Variants in VPS50 observed in about 807,000 individuals in gnomAD.
The protein encoded by VPS50 is syndetin.
A neutral mutation model predicts 139.7 loss-of-function variants in VPS50; 70 were observed. The observed-to-expected ratio is 0.50, with a 90% CI of 0.41 to 0.61. The LOEUF (loss-of-function observed/expected upper bound fraction) is 0.61. VPS50 is among the 20% of genes least tolerant of loss of function. The pLI, the probability that VPS50 is intolerant of heterozygous loss-of-function variation, is 0.00. For missense variants in VPS50, 921 were observed against 1,133.7 expected, an observed-to-expected ratio of 0.81 and a Z score of 2.69; for synonymous variants, 365 against 376.7, an observed-to-expected ratio of 0.97 and a Z score of 0.36.
intron 22 of VPS50, among the ~76,000 whole-genome samples, chr7:93,335,390 A>G (rs1798043695): frequency 6.6e-6 from 1 of 152,140 alleles, no homozygotes; most frequent in African/African-American, 2.4e-5. Flanking sequence ...AAATATAGTC[A>G]TATCACTTAC....
chr7:93,244,067 C>G (rs936495051), intron 2 of VPS50, among the ~76,000 whole-genome samples: 2 of 151,394 alleles, frequency 1.3e-5, no homozygotes, highest in African/African-American at 4.9e-5. Context: ...ATTGGTTTAC[C>G]TTTGATTTTT....
intron 27 of VPS50, 124 bp downstream of exon 27, chr7:93,356,204 C>A (rs1235830724): frequency 5.9e-6 from 3 of 506,746 alleles, no homozygotes; most frequent in Non-Finnish European, 1.0e-5. Flanking sequence ...TTTTTTAATA[C>A]AAACTACTTA....
intron 19 of VPS50, among the ~76,000 whole-genome samples, chr7:93,310,003 A>G (rs528855544): frequency 6.6e-6 from 1 of 152,096 alleles, no homozygotes; most frequent in South Asian, 2.1e-4. Context: ...TAATTGAAAA[A>G]ATTTGTTCTA....
At chr7:93,281,152 T>G (rs933840564) in intron 12 of VPS50, among the ~76,000 whole-genome samples, 6 of 152,178 alleles carry the variant, frequency 3.9e-5, no homozygotes, top group African/African-American at 2.4e-5. Flanking sequence ...AGCCATGTAC[T>G]TTTACAGGTG....
At chr7:93,334,795 ACCT>A (rs1224481697) in intron 22 of VPS50, among the ~76,000 whole-genome samples, 1 of 152,190 alleles carries the variant, frequency 6.6e-6, no homozygotes, top group African/African-American at 2.4e-5. Flanking sequence ...CACAGGGTTG[ACCT>A]CCTGTACTGT....
chr7:93,305,812 C>T lies in VPS50; in HGVS notation c.1453-16C>T. ...ATTGTTGCTAAAGGGTATCTGGCTC[C>T]TTTTTTAACATCTAGGAATTTAAAT... On this transcript the variant is annotated splice_polypyrimidine_tract_variant and intron_variant, in intron 17 of 27. Coordinates refer to ENST00000305866, the MANE Select transcript of VPS50 (RefSeq NM_017667.4). The T allele has an allele frequency of 1.9e-6, 3 of 1,607,864 alleles. No homozygotes were observed. Among genetic ancestry groups the T allele is most frequent in the Non-Finnish European group, 2.6e-6 (3 of 1,175,116 alleles).
At chr7:93,291,380 T>C (rs1216295295) in intron 12 of VPS50, among the ~76,000 whole-genome samples, 2 of 152,056 alleles carry the variant, frequency 1.3e-5, no homozygotes, top group Admixed American at 6.6e-5. Context: ...GATCATGTCT[T>C]TCAAAAAATG....
At chr7:93,236,239 G>A (rs1202908695) in intron 1 of VPS50, among the ~76,000 whole-genome samples, 1 of 152,200 alleles carries the variant, frequency 6.6e-6, no homozygotes, top group Non-Finnish European at 1.5e-5. Context: ...TGAGCAGCGT[G>A]GAGGTCCTTG....
rs1798783828 is a variant in VPS50 at position 93,359,090 on chromosome 7, A to AC, written c.*654_*655insC. The AC allele has an allele frequency of 6.6e-6, 1 of 152,110 alleles. No homozygotes were observed. Among genetic ancestry groups the AC allele is most frequent in the African/African-American group, 2.4e-5 (1 of 41,436 alleles). The allele number at this position is 152,110 out of a possible 1,614,324, so 9.4% of individuals were successfully genotyped here. ...TGTCATGAACTATAGTGCAGCTTTT[A>AC]GTGTGTTCTAATTTTAATTGTTTTA... On this transcript the variant is annotated 3_prime_UTR_variant, in exon 28 of 28. Coordinates refer to ENST00000305866, the MANE Select transcript of VPS50 (RefSeq NM_017667.4).
intron 16 of VPS50, among the ~76,000 whole-genome samples, chr7:93,300,899 A>G (rs1010910052): frequency 1.3e-5 from 2 of 152,172 alleles, no homozygotes; most frequent in Admixed American, 1.3e-4. Flanking sequence ...TCACACAGCA[A>G]TATGATGGGT....
chr7:93,347,720 G>A (rs548635024), intron 23 of VPS50, among the ~76,000 whole-genome samples: 101 of 147,340 alleles, frequency 6.9e-4, no homozygotes, highest in Admixed American at 2.9e-3. Context: ...GTAAACTATC[G>A]CAAGAACAAA....
intron 27 of VPS50, among the ~76,000 whole-genome samples, chr7:93,357,448 C>T (rs1195814095): frequency 6.6e-6 from 1 of 152,116 alleles, no homozygotes; most frequent in Non-Finnish European, 1.5e-5. Context: ...ACGATGGATC[C>T]TCACTGAATG....
intron 9 of VPS50, among the ~76,000 whole-genome samples, chr7:93,261,032 G>A (rs1795654170): frequency 6.6e-6 from 1 of 152,196 alleles, no homozygotes; most frequent in Admixed American, 6.5e-5. Flanking sequence ...ACTGTCATTA[G>A]TAGAAACTTG....
rs1293851175 is a variant in VPS50, at chr7:93,271,270, G to A, written c.702+8G>A. 1.3e-6 allele frequency: 2 copies of A among 1,553,258 alleles called. No homozygotes were observed. The highest frequency in any genetic ancestry group is 2.9e-5 in the African/African-American group (2 of 70,170). ...ACTTTGGAACAGATTGAGGTAAGAAGTATTATATCCTAACCTTAATGAGTT... is the reference window on the plus strand; with the variant it reads ...ACTTTGGAACAGATTGAGGTAAGAAATATTATATCCTAACCTTAATGAGTT... On this transcript the variant is annotated splice_region_variant and intron_variant, in intron 10 of 27. Transcript: ENST00000305866.
chr7:93,344,873 G>C (rs1248004946), intron 23 of VPS50, among the ~76,000 whole-genome samples: 2 of 151,890 alleles, frequency 1.3e-5, no homozygotes, highest in African/African-American at 4.8e-5. Context: ...ACAAGAGAAA[G>C]CAGGAAAGAT....
chr7:93,280,649 T>G (rs917957151), intron 12 of VPS50, among the ~76,000 whole-genome samples: 5 of 152,162 alleles, frequency 3.3e-5, no homozygotes, highest in Admixed American at 1.3e-4. Flanking sequence ...AGGATTTTTT[T>G]TTCCTTTTTA....
rs143992766 is a variant in VPS50, at chr7:93,327,220, C to T, written c.1977+3488C>T. Among the ~76,000 whole-genome samples, 814 of 152,194 alleles carry T rather than the reference C, an allele frequency of 5.3e-3. 7 individuals are homozygous for T. The highest frequency in any genetic ancestry group is 0.019 in the African/African-American group (781 of 41,512). On this transcript the variant is annotated intron_variant, in intron 21 of 27. Transcript: ENST00000305866. The stretch of plus-strand genomic sequence containing the variant: ...CCACTAGCCACACATGGCTGTTGAG[C>T]GCTTGAAATATGTATGACTAATGAC...
intron 18 of VPS50, among the ~76,000 whole-genome samples, chr7:93,308,145 T>G (rs768939330): frequency 2.6e-5 from 4 of 151,772 alleles, no homozygotes; most frequent in Non-Finnish European, 4.4e-5. Flanking sequence ...ATGATGATGA[T>G]GATGATGATG....
intron 9 of VPS50, among the ~76,000 whole-genome samples, chr7:93,263,910 AAAT>A (rs1424800526): frequency 2.0e-5 from 3 of 152,202 alleles, no homozygotes; most frequent in African/African-American, 4.8e-5. Context: ...AAAATAATAA[AAAT>A]AAAAAATAAT....
Sources: allele counts gnomAD v4.1 joint callset (sites outside exome capture counted in the v4.1 genomes callset), GRCh38; gene constraint gnomAD v4.1.1; transcripts MANE v1.5; gene names NCBI Gene and HGNC (gene_info 2026-07-23, HGNC 2026-07-21).